Variants in KYNU observed in about 807,000 individuals in gnomAD.
KYNU encodes L-kynurenine hydrolase.
A neutral mutation model predicts 59.2 loss-of-function variants in KYNU; 54 were observed. The observed-to-expected ratio is 0.91, with a 90% CI of 0.73 to 1.14. The LOEUF is 1.14. KYNU is among the 50% of genes most tolerant of loss of function. The pLI is 0.00. For synonymous variants in KYNU, 177 were observed against 192.0 expected (o/e 0.92, Z 0.65); for missense variants, 567 against 554.4 (o/e 1.02, Z -0.23).
intron 10 of KYNU, among the ~76,000 whole-genome samples, chr2:143,022,347 A>G (rs1486586621): frequency 1.3e-5 from 2 of 152,042 alleles, no homozygotes; most frequent in Non-Finnish European, 2.9e-5. Context: ...ATTTGCTAGT[A>G]TAGACCCATT....
At position 142,956,242 on chromosome 2, in the gene KYNU, C is replaced by A. The variant is rs1261672636; in HGVS notation, c.475C>A (p.Leu159Ile). The A allele has an allele frequency of 6.2e-7, 1 of 1,604,354 alleles. No individual in the cohort carries two copies. The highest frequency in any genetic ancestry group is 2.2e-5 in the East Asian group (1 of 44,714). Residue 159 changes from leucine (L) to isoleucine (I), a missense_variant, in exon 6 of 14, where the codon CTT becomes ATT. Coordinates refer to ENST00000264170, the MANE Select transcript of KYNU (RefSeq NM_003937.3). Reference sequence around the variant, plus strand: ...GCCTACGCCAAAACGATATAAAATTCTTCTAGAAGCCAAAGCCTTCCCTTC... The same window carrying A: ...GCCTACGCCAAAACGATATAAAATTATTCTAGAAGCCAAAGCCTTCCCTTC... Reference protein sequence around the residue: ...FKPTPKRYKILLEAKAFPSDH... With the variant: ...FKPTPKRYKIILEAKAFPSDH...
intron 1 of KYNU, among the ~76,000 whole-genome samples, chr2:142,879,970 A>G (rs1349545757): frequency 6.6e-6 from 1 of 152,170 alleles, no homozygotes; most frequent in African/African-American, 2.4e-5. Context: ...CTCAAATATA[A>G]GGCAAGCTCT....
chr2:142,963,305 A>G (rs868676789), intron 8 of KYNU, among the ~76,000 whole-genome samples: 1 of 152,256 alleles, frequency 6.6e-6, no homozygotes, highest in African/African-American at 2.4e-5. Context: ...TCCAAATACT[A>G]CCTGTTACCT....
At chr2:143,001,986 G>T (rs780623662) in intron 10 of KYNU, among the ~76,000 whole-genome samples, 29 of 151,986 alleles carry the variant, frequency 1.9e-4, no homozygotes, top group Non-Finnish European at 3.7e-4. Flanking sequence ...AATTTGATTC[G>T]CCAGGCCATT....
intron 2 of KYNU, among the ~76,000 whole-genome samples, chr2:142,910,231 G>A (rs966745493): frequency 1.4e-5 from 2 of 143,614 alleles, no homozygotes; most frequent in Non-Finnish European, 3.0e-5. Context: ...CCACCTCCCA[G>A]GTTCAAGCGA....
intron 7 of KYNU, among the ~76,000 whole-genome samples, chr2:142,959,542 C>T (rs1434298118): frequency 6.6e-6 from 1 of 151,224 alleles, no homozygotes; most frequent in African/African-American, 2.4e-5. Context: ...GCCAAGATCG[C>T]ACCATTGCAC....
chr2:142,997,361 C>G (rs1245028340), intron 10 of KYNU, among the ~76,000 whole-genome samples: 1 of 152,062 alleles, frequency 6.6e-6, no homozygotes, highest in Non-Finnish European at 1.5e-5. Context: ...CTAACTTATC[C>G]CAAGTTGTTA....
intron 2 of KYNU, among the ~76,000 whole-genome samples, chr2:142,887,653 T>C (rs1681564307): frequency 6.6e-6 from 1 of 152,050 alleles, no homozygotes; most frequent in South Asian, 2.1e-4. Flanking sequence ...AGTGAAATAA[T>C]CCAGACGCAA....
rs1687344697 is a variant in KYNU at position 143,055,755 on chromosome 2, GA to G, written c.*13587del. 6.6e-6 allele frequency: 1 copy of G among 152,092 alleles called. No individual in the cohort carries two copies. The highest frequency in any genetic ancestry group is 2.4e-5 in the African/African-American group (1 of 41,428). 9.4% of individuals were successfully genotyped at this position (152,092 alleles called of 1,614,324 possible). ...AGTATGAAAAAATCTTGATAAATTT[GA>G]AAACTGGGTGAATAATATGTGGAAT... On this transcript the variant is annotated 3_prime_UTR_variant, in exon 14 of 14. Coordinates refer to ENST00000264170, the MANE Select transcript of KYNU (RefSeq NM_003937.3).
chr2:142,891,437 C>G (rs1035837125), intron 2 of KYNU, among the ~76,000 whole-genome samples: 4 of 152,138 alleles, frequency 2.6e-5, no homozygotes, highest in Non-Finnish European at 5.9e-5. Context: ...AAATAACCCT[C>G]TCCTTCAATC....
intron 4 of KYNU, among the ~76,000 whole-genome samples, chr2:142,950,026 G>A (rs1255270829): frequency 6.6e-6 from 1 of 152,138 alleles, no homozygotes; most frequent in Non-Finnish European, 1.5e-5. Context: ...TAGGGCAGGG[G>A]CAGAATGTCG....
intron 8 of KYNU, among the ~76,000 whole-genome samples, chr2:142,980,745 G>T (rs779936053): frequency 3.9e-5 from 6 of 152,082 alleles, no homozygotes; most frequent in Non-Finnish European, 8.8e-5. Context: ...GTGTCAGTAT[G>T]AGTGTGATTG....
chr2:142,897,591 T>C (rs1444242712), intron 2 of KYNU, among the ~76,000 whole-genome samples: 1 of 152,212 alleles, frequency 6.6e-6, no homozygotes, highest in African/African-American at 2.4e-5. Flanking sequence ...TCTTTATGCT[T>C]TCTATTACTA....
chr2:143,025,623 T>C (rs1490128658), intron 10 of KYNU, among the ~76,000 whole-genome samples: 2 of 133,714 alleles, frequency 1.5e-5, no homozygotes, highest in African/African-American at 6.4e-5. Context: ...GTTTTTACTT[T>C]AGATAATTTT....
intron 8 of KYNU, among the ~76,000 whole-genome samples, chr2:142,966,614 T>A (rs1218091053): frequency 6.6e-6 from 1 of 152,078 alleles, no homozygotes. Context: ...AATGTGTAGA[T>A]CAGGAAGACA....
At position 143,042,107 on chromosome 2, in the gene KYNU, C is replaced by T; in HGVS notation, c.1333C>T (p.His445Tyr). 1 of 1,610,922 alleles carries T rather than the reference C, an allele frequency of 6.2e-7. No individual in the cohort carries two copies. The highest frequency in any genetic ancestry group is 8.5e-7 in the Non-Finnish European group (1 of 1,178,002). Residue 445 changes from histidine (H) to tyrosine (Y), a missense_variant, in exon 14 of 14, where the codon CAT (histidine) becomes TAT (tyrosine). By Grantham distance (83) the His-to-Tyr change is moderately conservative (BLOSUM62 2). Coordinates refer to ENST00000264170, the MANE Select transcript of KYNU (RefSeq NM_003937.3). ...TCCAGTTCCTCTCTATAATTCTTTC[C>T]ATGATGTTTATAAATTTACCAATCT... ...VAPVPLYNSF[H>Y]DVYKFTNLLT...
At chr2:142,936,736 C>T (rs1042805531) in intron 4 of KYNU, among the ~76,000 whole-genome samples, 1 of 152,126 alleles carries the variant, frequency 6.6e-6, no homozygotes, top group African/African-American at 2.4e-5. Flanking sequence ...AGGAAACTTA[C>T]TGGTAGGTGA....
At chr2:142,894,375 T>G (rs1372478137) in intron 2 of KYNU, among the ~76,000 whole-genome samples, 2 of 152,238 alleles carry the variant, frequency 1.3e-5, no homozygotes, top group Admixed American at 1.3e-4. Context: ...CCAGGAAATT[T>G]AATATTATGA....
intron 7 of KYNU, among the ~76,000 whole-genome samples, chr2:142,958,606 C>T (rs1012576874): frequency 6.6e-6 from 1 of 152,142 alleles, no homozygotes; most frequent in Admixed American, 6.6e-5. Context: ...AAAGTTCTCA[C>T]ATGAGAGGAT....
Sources: allele counts gnomAD v4.1 joint callset (sites outside exome capture counted in the v4.1 genomes callset), GRCh38; gene constraint gnomAD v4.1.1; transcripts MANE v1.5; gene names NCBI Gene and HGNC (gene_info 2026-07-23, HGNC 2026-07-21).